Variants in GOLGA5 observed in about 807,000 individuals in gnomAD.
GOLGA5 encodes golgin subfamily A member 5.
GOLGA5 carries 50 observed loss-of-function variants against 93.5 expected under a neutral mutation model. The ratio of observed to expected loss-of-function variants is 0.53; its 90% CI spans 0.43 to 0.68. GOLGA5 has a LOEUF of 0.68. GOLGA5 is among the 30% of genes least tolerant of loss of function. GOLGA5 has a pLI of 0.00. For missense variants in GOLGA5, 760 were observed against 856.4 expected (o/e 0.89, Z 1.40); for synonymous variants, 312 against 304.5 (o/e 1.02, Z -0.26).
chr14:92,816,002 G>C (rs779352303), intron 6 of GOLGA5, among the ~76,000 whole-genome samples: 18 of 151,806 alleles, frequency 1.2e-4, no homozygotes, highest in Non-Finnish European at 2.1e-4. Flanking sequence ...ACCGCACCCA[G>C]CTGGAAAAAA....
chr14:92,829,417 A>C (rs904800145), intron 9 of GOLGA5, among the ~76,000 whole-genome samples: 1 of 152,150 alleles, frequency 6.6e-6, no homozygotes, highest in Non-Finnish European at 1.5e-5. Flanking sequence ...GGAGGCCAGA[A>C]TATCAACATT....
intron 6 of GOLGA5, among the ~76,000 whole-genome samples, chr14:92,812,060 A>C (rs899449071): frequency 6.6e-6 from 1 of 152,086 alleles, no homozygotes; most frequent in Non-Finnish European, 1.5e-5. Context: ...TTGATCTCCT[A>C]TTGAATTTTT....
chr14:92,797,824 T>C lies in GOLGA5; in HGVS notation c.387T>C (p.Ser129=), dbSNP rs76861952. 2.3e-3 allele frequency: 3,772 copies of C among 1,614,060 alleles called. 7 individuals carry two copies. The highest frequency in any genetic ancestry group is 2.9e-3 in the Non-Finnish European group (3,403 of 1,179,976). The change falls in exon 2 of 13, where the codon AGT becomes AGC. Residue 129 remains serine, a synonymous_variant. Transcript: ENST00000163416. ...DDELLFDFLN[S]SQKEPTGRVE... Reference sequence around the variant, plus strand: ...AGCTGCTGTTTGATTTTCTTAATAGTTCACAGAAGGAGCCTACCGGGAGGG... The same window carrying C: ...AGCTGCTGTTTGATTTTCTTAATAGCTCACAGAAGGAGCCTACCGGGAGGG...
intron 6 of GOLGA5, among the ~76,000 whole-genome samples, chr14:92,813,752 G>A (rs944432334): frequency 5.3e-5 from 8 of 152,202 alleles, no homozygotes; most frequent in East Asian, 1.9e-4. Context: ...CCTGGTATTC[G>A]GTACATTGTT....
chr14:92,809,234 CTG>C (rs1458977250), intron 3 of GOLGA5, 64 bp from the exon 4 acceptor site: 2 of 1,053,216 alleles, frequency 1.9e-6, no homozygotes, highest in East Asian at 2.6e-5. Context: ...AAAGTAGAAA[CTG>C]TACGTGCTCT....
chr14:92,829,329 G>A (rs1354022331), intron 9 of GOLGA5, among the ~76,000 whole-genome samples: 1 of 151,988 alleles, frequency 6.6e-6, no homozygotes, highest in East Asian at 1.9e-4. Context: ...GTTGGATCTT[G>A]AGGCACAGTC....
intron 7 of GOLGA5, among the ~76,000 whole-genome samples, chr14:92,818,253 A>G (rs1276647008): frequency 1.3e-5 from 2 of 152,264 alleles, no homozygotes. Flanking sequence ...GTAAATAATT[A>G]CAATAGCTAT....
chr14:92,819,875 T>C (rs765784730), intron 8 of GOLGA5, 39 bp downstream of exon 8: 1 of 1,605,480 alleles, frequency 6.2e-7, no homozygotes, highest in Admixed American at 1.7e-5. Flanking sequence ...GACTCTGTCC[T>C]CTAGCGGTCA....
chr14:92,799,593 GTTTT>G (rs1884823044), intron 2 of GOLGA5, among the ~76,000 whole-genome samples: 1 of 146,634 alleles, frequency 6.8e-6, no homozygotes, highest in Non-Finnish European at 1.5e-5. Context: ...CTTTTTTAAT[GTTTT>G]TATTTATTTA....
At chr14:92,830,366 T>A (rs150033165) in intron 9 of GOLGA5, among the ~76,000 whole-genome samples, 1 of 151,358 alleles carries the variant, frequency 6.6e-6, no homozygotes, top group Non-Finnish European at 1.5e-5. Context: ...AACACAGAAT[T>A]CGTAAACTTA....
chr14:92,835,709 T>C (rs750891722), intron 11 of GOLGA5, 45 bp downstream of exon 11: 1 of 1,214,140 alleles, frequency 8.2e-7, no homozygotes, highest in East Asian at 2.3e-5. Context: ...TCAGCTGTTT[T>C]TACGTTTTTC....
At chr14:92,839,300 G>A in intron 12 of GOLGA5, 66 bp from the exon 13 acceptor site, 1 of 962,878 alleles carries the variant, frequency 1.0e-6, no homozygotes, top group Non-Finnish European at 1.7e-6. Context: ...TGCCCTCAGT[G>A]TACAGTGGGC....
rs751820228 is a variant in GOLGA5, at chr14:92,797,966, G to T, written c.529G>T (p.Gly177Trp). ...TIKTIEENSF[G>W]SQTHEAASNS... ...CAAAACCATTGAAGAAAATTCTTTT[G>T]GGAGCCAAACCCACGGTAGTTAATC... Residue 177 changes from glycine (G) to tryptophan (W), a missense_variant, in exon 2 of 13, where the codon GGG becomes TGG. By Grantham distance (184) the Gly-to-Trp change is radical. Coordinates refer to ENST00000163416, the MANE Select transcript of GOLGA5 (RefSeq NM_005113.4). 1 of 1,585,492 alleles carries T rather than the reference G, an allele frequency of 6.3e-7. No individual in the cohort carries two copies. Among genetic ancestry groups the T allele is most frequent in the African/African-American group, 1.4e-5 (1 of 73,170 alleles).
rs775110843 is a variant in GOLGA5, at chr14:92,824,635, C to T, written c.1710C>T (p.Leu570=). ...ATCGAGACGAAGAAATTCAAAAACTCAGGAATCAGGTATGAATCACTATTC... is the reference window on the plus strand; with the variant it reads ...ATCGAGACGAAGAAATTCAAAAACTTAGGAATCAGGTATGAATCACTATTC... ...IKDRDEEIQK[L]RNQLTNKTLS... Residue 570 remains leucine (L), a synonymous_variant, in exon 9 of 13, where the codon CTC becomes CTT. Transcript: ENST00000163416. The T allele has an allele frequency of 1.3e-6, 2 of 1,551,912 alleles. No individual in the cohort carries two copies. The highest frequency in any genetic ancestry group is 1.7e-5 in the Admixed American group (1 of 58,660).
chr14:92,815,839 G>A (rs1885192300), intron 6 of GOLGA5, among the ~76,000 whole-genome samples: 1 of 151,672 alleles, frequency 6.6e-6, no homozygotes, highest in African/African-American at 2.4e-5. Flanking sequence ...TAGTAGCTGG[G>A]ACTACAGGCA....
In GOLGA5 at chr14:92,819,821, G is replaced by A; in HGVS notation, c.1605G>A (p.Leu535=). The change falls in exon 8 of 13, where the codon CTG becomes CTA. Residue 535 remains leucine (L), a synonymous_variant. Coordinates refer to ENST00000163416, the MANE Select transcript of GOLGA5 (RefSeq NM_005113.4). The part of the protein sequence containing the change: ...KASKQELETE[L]ERLKQEFHYI... ...CCAAACAAGAACTAGAGACAGAACTGGAGCGACTGAAGCAGGTCAGGATTT... is the reference window on the plus strand; with the variant it reads ...CCAAACAAGAACTAGAGACAGAACTAGAGCGACTGAAGCAGGTCAGGATTT... 1 of 1,613,974 alleles carries A rather than the reference G, an allele frequency of 6.2e-7. No homozygotes were observed. Among genetic ancestry groups the A allele is most frequent in the Non-Finnish European group, 8.5e-7 (1 of 1,179,922 alleles).
intron 8 of GOLGA5, among the ~76,000 whole-genome samples, chr14:92,822,521 A>C (rs1212781749): frequency 6.6e-6 from 1 of 152,226 alleles, no homozygotes. Context: ...GCATTAGTGC[A>C]GTTGTTAATG....
At chr14:92,813,385 G>A (rs914192133) in intron 6 of GOLGA5, among the ~76,000 whole-genome samples, 1 of 152,198 alleles carries the variant, frequency 6.6e-6, no homozygotes, top group South Asian at 2.1e-4. Flanking sequence ...GAGCTTGAGA[G>A]AAGAATCCCT....
In GOLGA5 at chr14:92,797,590, T is replaced by C; in HGVS notation, c.153T>C (p.Asp51=). ...CTGAACTTCACCAGCAAAATACAGA[T>C]TTGATATATCAGACTGGACCTAAAT... ...DYTELHQQNT[D]LIYQTGPKST... is the part of the protein sequence containing the mutation. The change falls in exon 2 of 13, where the codon GAT becomes GAC. Residue 51 remains aspartate (D), a synonymous_variant. Coordinates refer to ENST00000163416, the MANE Select transcript of GOLGA5 (RefSeq NM_005113.4). 1 of 1,613,772 alleles carries C rather than the reference T, an allele frequency of 6.2e-7. No individual in the cohort carries two copies. The highest frequency in any genetic ancestry group is 8.5e-7 in the Non-Finnish European group (1 of 1,179,692).
Sources: allele counts gnomAD v4.1 joint callset (sites outside exome capture counted in the v4.1 genomes callset), GRCh38; gene constraint gnomAD v4.1.1; transcripts MANE v1.5; gene names NCBI Gene and HGNC (gene_info 2026-07-23, HGNC 2026-07-21).